GALNT1: variants seen among roughly 807,000 people sequenced by gnomAD.
GALNT1 encodes GalNAc transferase 1.
Under a neutral mutation model 65.7 loss-of-function variants are expected in GALNT1, and 17 were observed. That is an observed-to-expected ratio of 0.26 (90% CI 0.18 to 0.39). GALNT1 has a LOEUF of 0.39. GALNT1 is among the 10% of genes least tolerant of loss of function. GALNT1 has a pLI of 1.00. For missense variants in GALNT1, 460 were observed against 672.8 expected (o/e 0.68, Z 3.50); for synonymous variants, 210 against 219.7 (o/e 0.96, Z 0.39).
At chr18:35,670,064 A>G (rs2047610539) in intron 3 of GALNT1, among the ~76,000 whole-genome samples, 1 of 152,148 alleles carries the variant, frequency 6.6e-6, no homozygotes, top group South Asian at 2.1e-4. Context: ...CTGAAGCAGG[A>G]AGATTGCTTG....
intron 2 of GALNT1, among the ~76,000 whole-genome samples, chr18:35,657,966 A>C (rs1040086536): frequency 6.6e-6 from 1 of 152,222 alleles, no homozygotes; most frequent in Non-Finnish European, 1.5e-5. Flanking sequence ...GAAAGAACAA[A>C]TTCTCAGCAG....
chr18:35,682,958 A>C (rs1255760335), intron 4 of GALNT1, among the ~76,000 whole-genome samples: 1 of 151,716 alleles, frequency 6.6e-6, no homozygotes, highest in Non-Finnish European at 1.5e-5. Context: ...GTAATCAACA[A>C]GACAATTTGT....
At chr18:35,635,487 A>G (rs1044225532) in intron 1 of GALNT1, among the ~76,000 whole-genome samples, 9 of 152,248 alleles carry the variant, frequency 5.9e-5, no homozygotes, top group African/African-American at 2.2e-4. Context: ...TTAACAATCC[A>G]GGAACATAGT....
At chr18:35,685,127 G>A (rs1454389291) in intron 5 of GALNT1, among the ~76,000 whole-genome samples, 1 of 152,056 alleles carries the variant, frequency 6.6e-6, no homozygotes, top group Non-Finnish European at 1.5e-5. Context: ...ATGAAAACCA[G>A]AAAAGTACTA....
intron 1 of GALNT1, among the ~76,000 whole-genome samples, chr18:35,607,035 C>T (rs2046659009): frequency 6.6e-6 from 1 of 152,020 alleles, no homozygotes; most frequent in African/African-American, 2.4e-5. Flanking sequence ...GAAGTGAGCA[C>T]CAGACTCAAG....
intron 3 of GALNT1, among the ~76,000 whole-genome samples, chr18:35,672,542 C>T (rs1181695432): frequency 6.6e-6 from 1 of 152,102 alleles, no homozygotes; most frequent in South Asian, 2.1e-4. Context: ...AAGACATGGG[C>T]TTAACTGGTG....
chr18:35,687,159 G>A lies in GALNT1; in HGVS notation c.833G>A (p.Arg278Lys). The change falls in exon 6 of 12, where the codon AGG becomes AAG. Residue 278 changes from arginine to lysine, a missense_variant. Transcript: ENST00000269195. ...GTTCCCCAAAGAGAAATGGACAGAA[G>A]GAAAGGTGATCGGACTCTTCCTGTC... ...YPVPQREMDR[R>K]KGDRTLPVRT... The A allele has an allele frequency of 6.2e-7, 1 of 1,613,690 alleles. No homozygotes were observed. The highest frequency in any genetic ancestry group is 8.5e-7 in the Non-Finnish European group (1 of 1,179,800).
intron 9 of GALNT1, among the ~76,000 whole-genome samples, chr18:35,693,796 A>T (rs1418674924): frequency 6.6e-6 from 1 of 152,202 alleles, no homozygotes; most frequent in African/African-American, 2.4e-5. Flanking sequence ...TTAGGTTGTC[A>T]GCATATAGGA....
At chr18:35,655,164 G>T (rs1027343800) in intron 2 of GALNT1, among the ~76,000 whole-genome samples, 2 of 151,982 alleles carry the variant, frequency 1.3e-5, no homozygotes, top group South Asian at 4.1e-4. Flanking sequence ...GCATTATAAG[G>T]TATCAAAAGA....
intron 2 of GALNT1, among the ~76,000 whole-genome samples, chr18:35,655,499 C>CTT (rs567720187): frequency 1.8e-4 from 23 of 124,692 alleles, no homozygotes; most frequent in African/African-American, 2.4e-4. Context: ...TTAAAAAATT[C>CTT]TTTTTTTTTT....
chr18:35,655,513 TTG>T (rs1491088102), intron 2 of GALNT1, among the ~76,000 whole-genome samples: 1 of 151,626 alleles, frequency 6.6e-6, no homozygotes, highest in African/African-American at 2.4e-5. Flanking sequence ...TTTTTTTTTT[TTG>T]TTTTTAACCA....
intron 2 of GALNT1, among the ~76,000 whole-genome samples, chr18:35,658,709 C>CTTTT: frequency 7.3e-6 from 1 of 137,638 alleles, no homozygotes; most frequent in Non-Finnish European, 1.6e-5. Context: ...CAAAGTTTCT[C>CTTTT]TTTTTTTTTT....
intron 1 of GALNT1, among the ~76,000 whole-genome samples, chr18:35,599,524 C>T (rs2046553561): frequency 6.6e-6 from 1 of 152,126 alleles, no homozygotes; most frequent in African/African-American, 2.4e-5. Flanking sequence ...ACATGCACTG[C>T]CACATCCAGC....
At chr18:35,691,738 C>T (rs2047966527) in intron 8 of GALNT1, among the ~76,000 whole-genome samples, 1 of 152,154 alleles carries the variant, frequency 6.6e-6, no homozygotes, top group Non-Finnish European at 1.5e-5. Flanking sequence ...ACAGTTGTTC[C>T]ATCAGCTATA....
chr18:35,626,705 C>T (rs1262704217), intron 1 of GALNT1, among the ~76,000 whole-genome samples: 5 of 152,102 alleles, frequency 3.3e-5, no homozygotes, highest in East Asian at 1.9e-4. Context: ...GAGGGTCCTG[C>T]GTGCTCTCCA....
intron 1 of GALNT1, among the ~76,000 whole-genome samples, chr18:35,582,740 A>G (rs554268406): frequency 5.3e-5 from 8 of 152,230 alleles, no homozygotes; most frequent in Non-Finnish European, 1.2e-4. Flanking sequence ...GTCATTTCAC[A>G]GATGAAATAG....
At chr18:35,628,732 G>T (rs562419259) in intron 1 of GALNT1, among the ~76,000 whole-genome samples, 31 of 152,376 alleles carry the variant, frequency 2.0e-4, no homozygotes, top group Non-Finnish European at 3.7e-4. Flanking sequence ...ACTTTGACGA[G>T]TTGAGTGAAG....
At chr18:35,700,818 AAGAT>A (rs774815595) in intron 9 of GALNT1, among the ~76,000 whole-genome samples, 3 of 152,206 alleles carry the variant, frequency 2.0e-5, no homozygotes, top group East Asian at 1.9e-4. Flanking sequence ...ATTTTGGTAA[AAGAT>A]AGGCAATTAT....
At chr18:35,690,902 C>A in intron 7 of GALNT1, 110 bp from the exon 8 acceptor site, 2 of 1,025,586 alleles carry the variant, frequency 2.0e-6, no homozygotes, top group Non-Finnish European at 2.8e-6. Flanking sequence ...TAAGTTTAAA[C>A]AAAAGCCAAA....
Sources: allele counts gnomAD v4.1 joint callset (sites outside exome capture counted in the v4.1 genomes callset), GRCh38; gene constraint gnomAD v4.1.1; transcripts MANE v1.5; gene names NCBI Gene and HGNC (gene_info 2026-07-23, HGNC 2026-07-21).